The following USP37 variants were observed in gnomAD, a reference collection of about 807,000 sequenced individuals.
USP37 encodes ubiquitin specific peptidase 37, also known as ubiquitin carboxyl-terminal hydrolase 37.
In USP37, 27 loss-of-function variants were observed where a neutral mutation model predicts 124.0. The ratio of observed to expected loss-of-function variants is 0.22; its 90% CI spans 0.16 to 0.30. The LOEUF (loss-of-function observed/expected upper bound fraction) is 0.30, where lower values mean the gene tolerates loss of function less well. Among genes scored for constraint, USP37 ranks in the 10% least tolerant of loss-of-function variants. USP37 has a pLI of 1.00. For synonymous variants in USP37, 365 were observed against 388.0 expected (o/e 0.94, Z 0.70); for missense variants, 889 against 1,140.4 (o/e 0.78, Z 3.17).
At chr2:218,455,436 T>C (rs368812792) in intron 25 of USP37, 144 bp downstream of exon 25, 8 of 1,002,636 alleles carry the variant, frequency 8.0e-6, no homozygotes, top group East Asian at 2.6e-5. Context: ...TATCAAGAGA[T>C]AGACCCTAAC....
Position 218,485,762 on chromosome 2 carries a change from A to G in USP37, c.1591-19T>C. 2 of 1,602,676 alleles carry G rather than the reference A, an allele frequency of 1.2e-6. No homozygotes were observed. The highest frequency in any genetic ancestry group is 1.7e-6 in the Non-Finnish European group (2 of 1,176,608). ...CTTCGGCCTATAAAAAGAAGGAAAA[A>G]TAAAGCATGAAGGTGAATCAGCATT... On this transcript the variant is annotated intron_variant, in intron 15 of 25. Transcript: ENST00000258399.
At chr2:218,482,022 T>G (rs1178553235) in intron 17 of USP37, 48 bp downstream of exon 17, 1 of 1,530,022 alleles carries the variant, frequency 6.5e-7, no homozygotes. Context: ...TACTAAAGCC[T>G]TTCTATTTCA....
At chr2:218,478,937 C>T (rs1199303541) in intron 18 of USP37, among the ~76,000 whole-genome samples, 1 of 152,044 alleles carries the variant, frequency 6.6e-6, no homozygotes, top group Admixed American at 6.6e-5. Context: ...TATAAGCCCC[C>T]CAAAAGCCCT....
Position 218,488,370 on chromosome 2 carries a change from G to T in USP37, c.1524C>A (p.Asp508Glu). The T allele has an allele frequency of 6.2e-7, 1 of 1,612,974 alleles. No individual in the cohort carries two copies. The highest frequency in any genetic ancestry group is 2.2e-5 in the East Asian group (1 of 44,810). ...KREQFNDLSIDLPRRKKPLPP... is the reference protein window; with the variant it reads ...KREQFNDLSIELPRRKKPLPP... ...GGAGTGGTTTTTTCCTACGAGGAAG[G>T]TCAATAGAGAGGTCATTAAACTGTT... is the stretch of plus-strand genomic sequence containing the variant. The change falls in exon 15 of 26, where the codon GAC becomes GAA. Residue 508 changes from aspartate (D) to glutamate (E), a missense_variant. Transcript: ENST00000258399.
intron 10 of USP37, among the ~76,000 whole-genome samples, chr2:218,517,473 T>G (rs982771605): frequency 5.9e-5 from 9 of 152,222 alleles, no homozygotes; most frequent in Non-Finnish European, 1.3e-4. Flanking sequence ...TATTTCACCT[T>G]TACTTCGAAA....
At chr2:218,512,909 T>C (rs909321311) in intron 10 of USP37, among the ~76,000 whole-genome samples, 15 of 152,292 alleles carry the variant, frequency 9.8e-5, no homozygotes, top group African/African-American at 3.6e-4. Context: ...CTCATATAAA[T>C]TTTATATAAA....
At chr2:218,552,706 TCATAC>T (rs1253925159) in intron 5 of USP37, among the ~76,000 whole-genome samples, 1 of 152,184 alleles carries the variant, frequency 6.6e-6, no homozygotes, top group Non-Finnish European at 1.5e-5. Flanking sequence ...AGGAACCTGA[TCATAC>T]CATGTGATTT....
Position 218,524,766 on chromosome 2 carries a change from C to T in USP37, c.863+5190G>A, listed in dbSNP as rs546921144. On this transcript the variant is annotated intron_variant, in intron 10 of 25. Transcript: ENST00000258399. ...CTGGGACTACAGGCACGCACCACCACGCCTGCCTAATTTTTGCATTTTTAG... is the reference window on the plus strand; with the variant it reads ...CTGGGACTACAGGCACGCACCACCATGCCTGCCTAATTTTTGCATTTTTAG... 1.7e-3 allele frequency among the ~76,000 whole-genome samples: 262 copies of T among 152,290 alleles called. 1 individual carries two copies. Among genetic ancestry groups the T allele is most frequent in the Middle Eastern group, 6.8e-3 (2 of 294 alleles).
At chr2:218,519,721 C>G (rs1203348309) in intron 10 of USP37, among the ~76,000 whole-genome samples, 1 of 151,392 alleles carries the variant, frequency 6.6e-6, no homozygotes, top group African/African-American at 2.4e-5. Flanking sequence ...ACTCGGGAGA[C>G]TGAGGTAGAA....
rs567802152 is a variant in USP37 at position 218,564,741 on chromosome 2, T to C, written c.-229-1928A>G. Among the ~76,000 whole-genome samples the C allele has an allele frequency of 2.0e-5, 3 of 152,236 alleles. No individual in the cohort carries two copies. In the East Asian group the frequency reaches 5.8e-4, roughly 29 times the overall value. On this transcript the variant is annotated intron_variant, in intron 1 of 25. Coordinates refer to ENST00000258399, the MANE Select transcript of USP37 (RefSeq NM_020935.3). ...ACTCCAACAAAATAACAAACACTTG[T>C]TAAGTGCTAAATGGTTGCCATTGAT...
intron 8 of USP37, among the ~76,000 whole-genome samples, chr2:218,541,270 T>C (rs1691956849): frequency 6.6e-6 from 1 of 152,164 alleles, no homozygotes; most frequent in African/African-American, 2.4e-5. Context: ...TACCTAGCTA[T>C]TTTGAGCTCC....
chr2:218,542,611 T>C (rs1692047644), intron 8 of USP37, among the ~76,000 whole-genome samples: 1 of 152,194 alleles, frequency 6.6e-6, no homozygotes. Context: ...GTTTCCAATA[T>C]TGGCAGTGAC....
chr2:218,550,796 C>A (rs1280420766), intron 5 of USP37, among the ~76,000 whole-genome samples: 1 of 151,840 alleles, frequency 6.6e-6, no homozygotes, highest in African/African-American at 2.4e-5. Flanking sequence ...TCTCTATTTG[C>A]AGTTTTTGTC....
At chr2:218,478,568 C>A (rs1177516563) in intron 18 of USP37, among the ~76,000 whole-genome samples, 1 of 152,146 alleles carries the variant, frequency 6.6e-6, no homozygotes, top group Non-Finnish European at 1.5e-5. Flanking sequence ...AATTTTCATA[C>A]CAGCAGACCC....
chr2:218,452,272 G>A lies in USP37; in HGVS notation c.*2658C>T, dbSNP rs1041647213. On this transcript the variant is annotated 3_prime_UTR_variant, in exon 26 of 26. Coordinates refer to ENST00000258399, the MANE Select transcript of USP37 (RefSeq NM_020935.3). The stretch of plus-strand genomic sequence containing the variant: ...AGGTATTGTGCAAACTGCCTGCAAC[G>A]GAAGCACTCAGTCCTTATCTAACTT... The A allele has an allele frequency of 2.0e-5, 3 of 152,106 alleles. No homozygotes were observed. The highest frequency in any genetic ancestry group is 4.8e-5 in the African/African-American group (2 of 41,412). 9.4% of individuals were successfully genotyped at this position (152,106 alleles called of 1,614,324 possible).
chr2:218,528,554 G>C (rs1488060167), intron 10 of USP37: 1 of 371,376 alleles, frequency 2.7e-6, no homozygotes, highest in Non-Finnish European at 4.8e-6. Context: ...TCAGTTTGCT[G>C]AGAATGATGG....
At chr2:218,503,261 CA>C (rs1395095546) in intron 11 of USP37, among the ~76,000 whole-genome samples, 1 of 152,202 alleles carries the variant, frequency 6.6e-6, no homozygotes, top group Non-Finnish European at 1.5e-5. Context: ...TGGGAAAATA[CA>C]AAATACATTT....
intron 4 of USP37, among the ~76,000 whole-genome samples, chr2:218,555,177 C>T (rs781408109): frequency 1.8e-4 from 27 of 152,170 alleles, no homozygotes; most frequent in Non-Finnish European, 3.4e-4. Flanking sequence ...GCCAGTCAGG[C>T]AGCCTTATTC....
intron 23 of USP37, among the ~76,000 whole-genome samples, chr2:218,459,025 C>T (rs541378090): frequency 6.6e-6 from 1 of 150,950 alleles, no homozygotes; most frequent in African/African-American, 2.4e-5. Context: ...TGGTAGGATC[C>T]TGGATAATCA....
Sources: allele counts gnomAD v4.1 joint callset (sites outside exome capture counted in the v4.1 genomes callset), GRCh38; gene constraint gnomAD v4.1.1; transcripts MANE v1.5; gene names NCBI Gene and HGNC (gene_info 2026-07-23, HGNC 2026-07-21).